Variants in NCKAP5L observed in about 807,000 individuals in gnomAD.
NCKAP5L encodes the protein NCK associated protein 5 like.
A neutral mutation model predicts 103.2 loss-of-function variants in NCKAP5L; 54 were observed. The ratio of observed to expected loss-of-function variants is 0.52; its 90% confidence interval spans 0.42 to 0.66. The LOEUF is 0.66. Ranked by LOEUF, NCKAP5L falls within the 30% of genes least tolerant of loss-of-function variation. The pLI is 0.00. For synonymous variants in NCKAP5L, 762 were observed against 748.6 expected, an observed-to-expected ratio of 1.02 and a Z score of -0.29; for missense variants, 1,733 against 1,750.6, an observed-to-expected ratio of 0.99 and a Z score of 0.18.
rs766854807 is a variant in NCKAP5L, at chr12:49,803,013, C to G, written c.193-17G>C. On this transcript the variant is annotated splice_polypyrimidine_tract_variant and intron_variant, in intron 4 of 12. Transcript: ENST00000335999. ...GTTGGCAACCTGGGGACAGAAAGCC[C>G]CGAGGCAGAGCCATCAGCTGACCCC... 5.0e-6 allele frequency: 8 copies of G among 1,614,120 alleles called. No individual in the cohort carries two copies. In the East Asian group the frequency reaches 1.3e-4, roughly 27 times the overall value.
intron 1 of NCKAP5L, among the ~76,000 whole-genome samples, chr12:49,816,710 T>C (rs1431346366): frequency 6.6e-6 from 1 of 151,580 alleles, no homozygotes; most frequent in East Asian, 1.9e-4. Flanking sequence ...GGCAGAAGAA[T>C]TGCTTGAACC....
chr12:49,825,768 A>G (rs1290761862), intron 1 of NCKAP5L, among the ~76,000 whole-genome samples: 1 of 152,152 alleles, frequency 6.6e-6, no homozygotes. Flanking sequence ...GGCCCAGGAG[A>G]GCCAGCAGAG....
intron 1 of NCKAP5L, among the ~76,000 whole-genome samples, chr12:49,827,897 C>T (rs1486536705): frequency 6.6e-6 from 1 of 152,164 alleles, no homozygotes; most frequent in African/African-American, 2.4e-5. Flanking sequence ...GAGAGAGCCC[C>T]TCCCCCCGCA....
chr12:49,808,999 G>A (rs562403818), intron 1 of NCKAP5L, among the ~76,000 whole-genome samples: 1 of 152,224 alleles, frequency 6.6e-6, no homozygotes, highest in Admixed American at 6.5e-5. Flanking sequence ...AGAAGGAGGG[G>A]GGAGAAGAGC....
chr12:49,793,409 C>G lies in NCKAP5L; in HGVS notation c.3283G>C (p.Glu1095Gln), dbSNP rs1945972961. ...AGGCTGTCCTCCGAGGGCATCTCTT[C>G]CCGCCTCCCTGGCTCGCTGCTCGGC... ...GKPSSEPGRREEMPSEDSLAE... is the reference protein window; with the variant it reads ...GKPSSEPGRRQEMPSEDSLAE... The change falls in exon 10 of 13, where the codon GAA becomes CAA. Residue 1095 changes from glutamate to glutamine, a missense_variant. Transcript: ENST00000335999. The G allele has an allele frequency of 3.7e-6, 6 of 1,609,342 alleles. No individual in the cohort carries two copies.
rs1375486172 is a variant in NCKAP5L, at chr12:49,812,521, C to T, written c.-98-6480G>A. On this transcript the variant is annotated intron_variant, in intron 1 of 12. Transcript: ENST00000335999. ...GCCTCAGCCTCCTGAGTAGATGGGA[C>T]TACAGGCGCCCGCCACCACGCCTGG... Among the ~76,000 whole-genome samples, 6 of 152,078 alleles carry T rather than the reference C, an allele frequency of 3.9e-5. 1 individual carries two copies. The highest frequency in any genetic ancestry group is 3.9e-4 in the Admixed American group (6 of 15,250).
chr12:49,792,412 G>C lies in NCKAP5L; in HGVS notation c.3792+34C>G, dbSNP rs946634996. ...CCCCACATCACTCCCTCCTGCTCCC[G>C]AGTCCTTTCCCTTTCCTCTGCTGCA... On this transcript the variant is annotated intron_variant, in intron 12 of 12. Transcript: ENST00000335999. The surrounding 1 kb of genome is among the most constrained non-coding windows in gnomAD (Gnocchi z 4.5). 2 of 1,610,874 alleles carry C rather than the reference G, an allele frequency of 1.2e-6. No individual in the cohort carries two copies. Among genetic ancestry groups the C allele is most frequent in the Non-Finnish European group, 1.7e-6 (2 of 1,178,730 alleles).
intron 1 of NCKAP5L, among the ~76,000 whole-genome samples, chr12:49,819,003 C>G (rs889622665): frequency 5.4e-5 from 8 of 148,874 alleles, no homozygotes; most frequent in African/African-American, 1.0e-4. Flanking sequence ...TCAAGACCAG[C>G]CTAGACAACA....
At chr12:49,815,603 C>G (rs1592759605) in intron 1 of NCKAP5L, among the ~76,000 whole-genome samples, 1 of 152,296 alleles carries the variant, frequency 6.6e-6, no homozygotes. Flanking sequence ...GATTCTCATG[C>G]CTCAGCCTCC....
intron 1 of NCKAP5L, among the ~76,000 whole-genome samples, chr12:49,810,460 GGTT>G (rs1946228144): frequency 6.6e-6 from 1 of 152,184 alleles, no homozygotes; most frequent in South Asian, 2.1e-4. Context: ...CACGCCAAGT[GGTT>G]GTTGTTCTGC....
Position 49,798,408 on chromosome 12 carries a change from C to G in NCKAP5L, c.407G>C (p.Ser136Thr), listed in dbSNP as rs1946082412. ...PSEPPASPSLSSTEGPAAPLP... is the reference protein window; with the variant it reads ...PSEPPASPSLTSTEGPAAPLP... ...CGGGGCAGCCGGTCCCTCAGTGGAGCTCAGGGAGGGGGAGGCTGGTGGCTC... is the reference window on the plus strand; with the variant it reads ...CGGGGCAGCCGGTCCCTCAGTGGAGGTCAGGGAGGGGGAGGCTGGTGGCTC... Residue 136 changes from serine (S) to threonine (T), a missense_variant, in exon 7 of 13, where the codon AGC becomes ACC. Transcript: ENST00000335999. The G allele has an allele frequency of 6.3e-7, 1 of 1,579,906 alleles. No homozygotes were observed. Among genetic ancestry groups the G allele is most frequent in the African/African-American group, 1.3e-5 (1 of 74,372 alleles).
chr12:49,802,622 C>T (rs2137012326), intron 5 of NCKAP5L: 2 of 322,382 alleles, frequency 6.2e-6, no homozygotes, highest in Middle Eastern at 9.6e-4. Flanking sequence ...AAAGTGGCCC[C>T]AATGTCAAGA....
chr12:49,794,779 C>T lies in NCKAP5L; in HGVS notation c.3081G>A (p.Gln1027=), dbSNP rs1362995221. Residue 1027 remains glutamine (Q), a synonymous_variant, in exon 8 of 13, where the codon CAG becomes CAA. Coordinates refer to ENST00000335999, the MANE Select transcript of NCKAP5L (RefSeq NM_001037806.4). ...CAGGACCTCACCTGTTTAGCAGCTG[C>T]TGCATGAAGGTGTCTGCACCTTGGT... ...GMYQGADTFM[Q]QLLNRVDGKE... The T allele has an allele frequency of 2.0e-6, 3 of 1,527,722 alleles. No individual in the cohort carries two copies. Among genetic ancestry groups the T allele is most frequent in the Admixed American group, 4.3e-5 (2 of 46,340 alleles). The allele number at this position is 1,527,722 out of a possible 1,614,324, so 94.6% of individuals were successfully genotyped here. A position where few individuals can be genotyped will look rare whatever the true frequency, so the allele number is the denominator to read the frequency against.
chr12:49,806,953 C>T (rs929328116), intron 1 of NCKAP5L, among the ~76,000 whole-genome samples: 4 of 152,224 alleles, frequency 2.6e-5, no homozygotes, highest in African/African-American at 7.2e-5. Flanking sequence ...GACAGAGGCA[C>T]AGTACAAAGC....
rs370440433 is a variant in NCKAP5L at position 49,795,730 on chromosome 12, G to C, written c.2130C>G (p.Pro710=). 1.5e-4 allele frequency: 239 copies of C among 1,605,786 alleles called. No homozygotes were observed. The highest frequency in any genetic ancestry group is 1.7e-4 in the Non-Finnish European group (204 of 1,176,548). Residue 710 remains proline, a synonymous_variant, in exon 8 of 13, where the codon CCC becomes CCG. Coordinates refer to ENST00000335999, the MANE Select transcript of NCKAP5L (RefSeq NM_001037806.4). ...KSGESAGDMV[P]SIHRPLEQLE... ...GCTGCTCCAGTGGCCTGTGGATGGA[G>C]GGCACCATGTCTCCAGCACTCTCCC...
At chr12:49,794,526 T>C (rs917134482) in intron 8 of NCKAP5L, among the ~76,000 whole-genome samples, 1 of 151,976 alleles carries the variant, frequency 6.6e-6, no homozygotes, top group African/African-American at 2.4e-5. Flanking sequence ...TCCAGGAAGA[T>C]GTGGACTGTT....
intron 1 of NCKAP5L, among the ~76,000 whole-genome samples, chr12:49,817,902 G>A (rs1321408773): frequency 1.3e-5 from 2 of 152,182 alleles, no homozygotes; most frequent in Non-Finnish European, 2.9e-5. Flanking sequence ...GCCAAGGCAG[G>A]CAGATCACAT....
intron 8 of NCKAP5L, among the ~76,000 whole-genome samples, chr12:49,794,360 A>G (rs1000397994): frequency 1.3e-5 from 2 of 152,064 alleles, no homozygotes; most frequent in East Asian, 1.9e-4. Flanking sequence ...CCTTCTTTAA[A>G]CCACAACTCC....
At chr12:49,794,270 C>G (rs1339649519) in intron 8 of NCKAP5L, among the ~76,000 whole-genome samples, 1 of 152,206 alleles carries the variant, frequency 6.6e-6, no homozygotes, top group Non-Finnish European at 1.5e-5. Context: ...GTCCAAACCA[C>G]GCACCCTACC....
Sources: gnomAD v4.1 joint callset for allele counts (sites outside exome capture counted in the v4.1 genomes callset) on GRCh38, gnomAD v4.1.1 for gene constraint, Gnocchi (gnomAD v3.1) non-coding constraint, MANE v1.5 for transcripts, NCBI Gene and HGNC (gene_info 2026-07-23, HGNC 2026-07-21) for gene names.